The following TSLP variants were observed in gnomAD, a reference collection of about 807,000 sequenced individuals.
TSLP encodes the protein thymic stromal lymphopoietin.
In TSLP, 12 loss-of-function variants were observed where a neutral mutation model predicts 12.4. The observed-to-expected ratio is 0.97, with a 90% CI of 0.62 to 1.57. The LOEUF (loss-of-function observed/expected upper bound fraction) is 1.57. TSLP is among the 40% of genes most tolerant of loss of function. The probability of loss-of-function intolerance (pLI) is 0.00; values close to 1 mark genes in which losing one functional copy is unlikely to be tolerated. For synonymous variants in TSLP, 97 were observed against 69.5 expected, an observed-to-expected ratio of 1.40 and a Z score of -1.97; for missense variants, 222 against 189.6, an observed-to-expected ratio of 1.17 and a Z score of -1.00.
upstream of TSLP, chr5:111,070,888 G>A (rs1561689833): frequency 6.6e-6 from 1 of 152,352 alleles, no homozygotes; most frequent in African/African-American, 2.4e-5. Context: ...GGTCGCCGCT[G>A]GGCACCCAGC....
At chr5:111,072,968 G>A (rs969853893) in intron 2 of TSLP, 36 bp downstream of exon 2, 1 of 1,612,082 alleles carries the variant, frequency 6.2e-7, no homozygotes, top group Admixed American at 1.7e-5. Flanking sequence ...GCTTTCTCCA[G>A]GGAGACGCCA....
At chr5:111,071,223 A>G (rs1752330421), upstream of TSLP, 1 of 425,210 alleles carries the variant, frequency 2.4e-6, no homozygotes, top group African/African-American at 2.0e-5. Flanking sequence ...TCGAAGACTG[A>G]GACTGCACCC....
At chr5:111,071,155 C>T (rs1752329080), upstream of TSLP, 1 of 295,642 alleles carries the variant, frequency 3.4e-6, no homozygotes, top group Non-Finnish European at 6.2e-6. Flanking sequence ...TCTTATCGTT[C>T]CTGCCCCTAA....
intron 3 of TSLP, among the ~76,000 whole-genome samples, chr5:111,075,043 G>A (rs1001005242): frequency 6.6e-6 from 1 of 152,144 alleles, no homozygotes; most frequent in African/African-American, 2.4e-5. Flanking sequence ...TTCTTATGAA[G>A]GAGACCCTGG....
rs1237767490 is a variant in TSLP at position 111,076,192 on chromosome 5, GA to G, written c.*120del. Reference sequence around the variant, plus strand: ...CACAAATAGTTATCTTTTAATTACAGAAGAGTTTCTTAACTTACTTTTGTAA... The same window carrying G: ...CACAAATAGTTATCTTTTAATTACAGAGAGTTTCTTAACTTACTTTTGTAA... On this transcript the variant is annotated 3_prime_UTR_variant, in exon 4 of 4. Transcript: ENST00000344895. The G allele has an allele frequency of 1.6e-6, 2 of 1,232,730 alleles. No homozygotes were observed. Among genetic ancestry groups the G allele is most frequent in the Non-Finnish European group, 2.3e-6 (2 of 868,782 alleles). The allele number at this position is 1,232,730 out of a possible 1,614,324, so 76.4% of individuals were successfully genotyped here. A position where few individuals can be genotyped will look rare whatever the true frequency, so the allele number is the denominator to read the frequency against.
chr5:111,071,677 T>C (rs1752340924), upstream of TSLP: 6 of 1,314,594 alleles, frequency 4.6e-6, no homozygotes, highest in Non-Finnish European at 5.1e-6. Context: ...CGTAGGCGTT[T>C]AGGTGTTATA....
Position 111,072,952 on chromosome 5 carries a change from C to T in TSLP, c.216+20C>T, listed in dbSNP as rs1752381267. On this transcript the variant is annotated intron_variant, in intron 2 of 3. Coordinates refer to ENST00000344895, the MANE Select transcript of TSLP (RefSeq NM_033035.5). ...AATCGGGTGAGTAGAGAGTTCAGTG[C>T]TGCTGGCTTTCTCCAGGGAGACGCC... The T allele has an allele frequency of 6.2e-7, 1 of 1,613,840 alleles. No homozygotes were observed. Among genetic ancestry groups the T allele is most frequent in the Admixed American group, 1.7e-5 (1 of 60,000 alleles).
chr5:111,076,357 C>A lies in TSLP; in HGVS notation c.*283C>A. 1 of 324,570 alleles carries A rather than the reference C, an allele frequency of 3.1e-6. No individual in the cohort carries two copies. The highest frequency in any genetic ancestry group is 7.5e-5 in the East Asian group (1 of 13,292). 20.1% of individuals were successfully genotyped at this position (324,570 alleles called of 1,614,324 possible). On this transcript the variant is annotated 3_prime_UTR_variant, in exon 4 of 4. Transcript: ENST00000344895. The stretch of plus-strand genomic sequence containing the variant: ...ATAAGCATTGCTCAAGAGGAAAATC[C>A]AAAAGTGCAGCAGGAGAACTCTTTT...
chr5:111,073,283 G>C, intron 2 of TSLP: 1 of 1,419,642 alleles, frequency 7.0e-7, no homozygotes, highest in East Asian at 2.6e-5. Context: ...GAGCGTGGGT[G>C]ACAGTCTTTT....
At chr5:111,073,357 C>T in intron 2 of TSLP, 154 bp from the exon 3 acceptor site, 2 of 1,492,532 alleles carry the variant, frequency 1.3e-6, no homozygotes, top group Non-Finnish European at 1.8e-6. Context: ...TTCTTCCTTG[C>T]TCTACTCAAC....
At chr5:111,073,933 G>A (rs2112544750) in intron 3 of TSLP, among the ~76,000 whole-genome samples, 1 of 152,280 alleles carries the variant, frequency 6.6e-6, no homozygotes, top group Non-Finnish European at 1.5e-5. Flanking sequence ...TGTTTTGATT[G>A]CTGGAGCATA....
Position 111,071,807 on chromosome 5 carries a change from C to A in TSLP, c.-84C>A. 6.7e-7 allele frequency: 1 copy of A among 1,500,586 alleles called. No homozygotes were observed. The highest frequency in any genetic ancestry group is 9.1e-7 in the Non-Finnish European group (1 of 1,099,812). 93.0% of individuals were successfully genotyped at this position (1,500,586 alleles called of 1,614,324 possible). ...GCAAAACCTGGTGCTTGAGCACTGG[C>A]CCCTAAGGCAGGCCTTACAGATCTC... On this transcript the variant is annotated 5_prime_UTR_variant, in exon 1 of 4. Transcript: ENST00000344895.
intron 1 of TSLP, 68 bp from the exon 2 acceptor site, chr5:111,072,820 T>C (rs1173755206): frequency 1.3e-5 from 20 of 1,521,414 alleles, no homozygotes; most frequent in Non-Finnish European, 1.7e-5. Context: ...GAGCAAAGGG[T>C]GGAGGGATGA....
rs1023195858 is a variant in TSLP at position 111,072,000 on chromosome 5, A to C, written c.110A>C (p.Glu37Ala). 6 of 1,614,218 alleles carry C rather than the reference A, an allele frequency of 3.7e-6. No individual in the cohort carries two copies. The Admixed American group carries it at 5.0e-5, about 13-fold the overall frequency. ...LTYDFTNCDFEKIKAAYLSTI... is the reference protein window; with the variant it reads ...LTYDFTNCDFAKIKAAYLSTI... ...TACGACTTCACTAACTGTGACTTTG[A>C]GAAGATTAAAGCAGCCTATCTCAGT... The change falls in exon 1 of 4, where the codon GAG becomes GCG. Residue 37 changes from glutamate (E) to alanine (A), a missense_variant. Coordinates refer to ENST00000344895, the MANE Select transcript of TSLP (RefSeq NM_033035.5).
intron 3 of TSLP, among the ~76,000 whole-genome samples, chr5:111,074,976 T>C (rs1561691866): frequency 6.6e-6 from 1 of 152,186 alleles, no homozygotes. Context: ...TGGGTTGAGC[T>C]TGAATTAGAA....
At chr5:111,073,446 C>G in intron 2 of TSLP, 65 bp from the exon 3 acceptor site, 1 of 1,605,124 alleles carries the variant, frequency 6.2e-7, no homozygotes, top group African/African-American at 1.3e-5. Flanking sequence ...TCACTCAATT[C>G]TCACCAACTC....
rs750052121 is a variant in TSLP, at chr5:111,077,106, G to A, written c.*1032G>A. 13 of 152,164 alleles carry A rather than the reference G, an allele frequency of 8.5e-5. No individual in the cohort carries two copies. The highest frequency in any genetic ancestry group is 7.2e-5 in the African/African-American group (3 of 41,432). The allele number at this position is 152,164 out of a possible 1,614,324, so 9.4% of individuals were successfully genotyped here. A position where few individuals can be genotyped will look rare whatever the true frequency, so the allele number is the denominator to read the frequency against. Reference sequence around the variant, plus strand: ...ATGTCAAATCGATTCTTGAATTCCCGCTGCAAGCTAGAGCCGCAGGCACCC... The same window carrying A: ...ATGTCAAATCGATTCTTGAATTCCCACTGCAAGCTAGAGCCGCAGGCACCC... On this transcript the variant is annotated 3_prime_UTR_variant, in exon 4 of 4. Transcript: ENST00000344895.
rs529866527 is a variant in TSLP at position 111,077,545 on chromosome 5, T to G, written c.*1471T>G. 2.6e-5 allele frequency: 4 copies of G among 152,580 alleles called. No homozygotes were observed. The East Asian group carries it at 7.7e-4, about 29-fold the overall frequency. The allele number at this position is 152,580 out of a possible 1,614,324, so 9.5% of individuals were successfully genotyped here. A position where few individuals can be genotyped will look rare whatever the true frequency, so the allele number is the denominator to read the frequency against. ...TGAAGACCTGACCCAAGCTCTTAAA[T>G]GCTATTGTAAGAGAAATTTCTTTGT... On this transcript the variant is annotated 3_prime_UTR_variant, in exon 4 of 4. Transcript: ENST00000344895.
chr5:111,074,425 T>C (rs1274154014), intron 3 of TSLP, among the ~76,000 whole-genome samples: 1 of 152,148 alleles, frequency 6.6e-6, no homozygotes, highest in Non-Finnish European at 1.5e-5. Context: ...ATTAAATTAG[T>C]CAACACATGT....
Sources: allele counts gnomAD v4.1 joint callset (sites outside exome capture counted in the v4.1 genomes callset), GRCh38; gene constraint gnomAD v4.1.1; transcripts MANE v1.5; gene names NCBI Gene and HGNC (gene_info 2026-07-23, HGNC 2026-07-21).